The following LMBRD2 variants were observed in gnomAD, a reference collection of about 807,000 sequenced individuals.
The protein encoded by LMBRD2 is LMBR1 domain containing 2.
In LMBRD2, 55 loss-of-function variants were observed where a neutral mutation model predicts 94.4. That is an observed-to-expected ratio of 0.58 (90% confidence interval 0.47 to 0.73). LMBRD2 has a LOEUF of 0.73. Among genes scored for constraint, LMBRD2 ranks in the 30% least tolerant of loss-of-function variants. The probability of loss-of-function intolerance (pLI) is 0.00; values close to 1 mark genes in which losing one functional copy is unlikely to be tolerated. For missense variants in LMBRD2, 640 were observed against 831.9 expected (o/e 0.77, Z 2.84); for synonymous variants, 246 against 272.4 (o/e 0.90, Z 0.95).
intron 9 of LMBRD2, among the ~76,000 whole-genome samples, chr5:36,118,749 T>TA (rs1743818858): frequency 6.6e-6 from 1 of 151,822 alleles, no homozygotes; most frequent in South Asian, 2.1e-4. Flanking sequence ...CTCCGGGGTT[T>TA]AAGTGATTCT....
intron 6 of LMBRD2, among the ~76,000 whole-genome samples, chr5:36,129,252 GAGA>G (rs1195155074): frequency 2.0e-5 from 3 of 152,050 alleles, no homozygotes; most frequent in African/African-American, 7.2e-5. Flanking sequence ...ATTCAAGCAT[GAGA>G]AGATTATAGA....
At chr5:36,126,073 C>G (rs991320284) in intron 6 of LMBRD2, among the ~76,000 whole-genome samples, 1 of 152,112 alleles carries the variant, frequency 6.6e-6, no homozygotes, top group East Asian at 1.9e-4. Flanking sequence ...CCTAGAAGCC[C>G]TTAATCATGG....
intron 14 of LMBRD2, 108 bp downstream of exon 14, chr5:36,111,047 C>A: frequency 1.4e-6 from 1 of 696,010 alleles, no homozygotes; most frequent in Non-Finnish European, 2.4e-6. Flanking sequence ...TTCATAATTT[C>A]TTAGAATAGA....
At chr5:36,110,322 T>C (rs1743574622) in intron 14 of LMBRD2, among the ~76,000 whole-genome samples, 1 of 152,118 alleles carries the variant, frequency 6.6e-6, no homozygotes, top group Non-Finnish European at 1.5e-5. Context: ...CTTTTCTTTC[T>C]GTATGAGTCG....
chr5:36,128,379 A>T (rs1209061727), intron 6 of LMBRD2, among the ~76,000 whole-genome samples: 3 of 152,222 alleles, frequency 2.0e-5, no homozygotes, highest in East Asian at 3.8e-4. Flanking sequence ...ACGAACATCC[A>T]CAAGAATCAA....
At position 36,135,028 on chromosome 5, in the gene LMBRD2, C is replaced by A. The variant is rs186166567; in HGVS notation, c.747+1281G>T. On this transcript the variant is annotated intron_variant, in intron 6 of 17. Transcript: ENST00000296603. Reference sequence around the variant, plus strand: ...ACTTGTTCTCATACTAGAACACACCCACTCTCATTCATTTATTTACTGGCT... The same window carrying A: ...ACTTGTTCTCATACTAGAACACACCAACTCTCATTCATTTATTTACTGGCT... Among the ~76,000 whole-genome samples, 21 of 152,232 alleles carry A rather than the reference C, an allele frequency of 1.4e-4. No homozygotes were observed. The East Asian group carries it at 4.1e-3, about 29-fold the overall frequency.
In LMBRD2 at chr5:36,116,612, A is replaced by T; in HGVS notation, c.1303-19T>A. 1 of 1,607,924 alleles carries T rather than the reference A, an allele frequency of 6.2e-7. No individual in the cohort carries two copies. On this transcript the variant is annotated intron_variant, in intron 10 of 17. Transcript: ENST00000296603. The stretch of plus-strand genomic sequence containing the variant: ...AGGCAATCTGGAAAAAAACAAAAAC[A>T]AAGCAGTTTGTTTAAAACAAACAGA...
At chr5:36,150,173 A>G (rs1330047515) in intron 1 of LMBRD2, among the ~76,000 whole-genome samples, 2 of 152,244 alleles carry the variant, frequency 1.3e-5, no homozygotes, top group African/African-American at 4.8e-5. Context: ...GCAAACTATC[A>G]AACTGAATTT....
Position 36,104,126 on chromosome 5 carries a change from A to G in LMBRD2, c.2028-20T>C. On this transcript the variant is annotated intron_variant, in intron 17 of 17. Coordinates refer to ENST00000296603, the MANE Select transcript of LMBRD2 (RefSeq NM_001007527.2). ...TGATACCTAAAAAGGGAACATAAAGAAATGATCTGAGGCATCAAAAATAAT... is the reference window on the plus strand; with the variant it reads ...TGATACCTAAAAAGGGAACATAAAGGAATGATCTGAGGCATCAAAAATAAT... The G allele has an allele frequency of 6.3e-7, 1 of 1,587,814 alleles. No homozygotes were observed. Among genetic ancestry groups the G allele is most frequent in the Non-Finnish European group, 8.6e-7 (1 of 1,157,386 alleles).
At chr5:36,146,943 T>TGTGTGTGA (rs1744561820) in intron 1 of LMBRD2, among the ~76,000 whole-genome samples, 2 of 22,672 alleles carry the variant, frequency 8.8e-5, no homozygotes, top group South Asian at 7.8e-3. Flanking sequence ...TGTGTGTGAG[T>TGTGTGTGA]GTGTGTGTGT....
chr5:36,105,276 G>C, intron 16 of LMBRD2, 79 bp from the exon 17 acceptor site: 1 of 1,313,346 alleles, frequency 7.6e-7, no homozygotes. Flanking sequence ...GGTACAGAAA[G>C]AAAAATCAAA....
At chr5:36,132,065 T>A (rs918600725) in intron 6 of LMBRD2, among the ~76,000 whole-genome samples, 1 of 152,072 alleles carries the variant, frequency 6.6e-6, no homozygotes, top group Non-Finnish European at 1.5e-5. Flanking sequence ...GCCTTTAAAC[T>A]ACATAATAAA....
intron 7 of LMBRD2, among the ~76,000 whole-genome samples, chr5:36,123,882 T>C (rs1229580731): frequency 6.6e-6 from 1 of 151,854 alleles, no homozygotes. Flanking sequence ...TATTTTCTTA[T>C]AGGAGATATG....
In LMBRD2 at chr5:36,108,639, C is replaced by A; in HGVS notation, c.1792G>T (p.Glu598Ter). 1.4e-6 allele frequency: 2 copies of A among 1,449,908 alleles called. No individual in the cohort carries two copies. The highest frequency in any genetic ancestry group is 1.9e-6 in the Non-Finnish European group (2 of 1,060,746). 89.8% of individuals were successfully genotyped at this position (1,449,908 alleles called of 1,614,324 possible). The change falls in exon 16 of 18, where the codon GAA becomes TAA. Residue 598 changes from glutamate (E) to a stop codon, truncating the protein, a stop_gained and splice_region_variant. Transcript: ENST00000296603. LOFTEE classifies it high-confidence loss of function. The stretch of plus-strand genomic sequence containing the variant: ...TTGTGTCCATAACGTTCTTTCCATT[C>A]CTAGAAAAGAAGCACAAATAATCAT... ...RQEEGENRRR[E>*]WKERYGHNRE...
intron 3 of LMBRD2, 83 bp from the exon 4 acceptor site, chr5:36,141,285 A>C: frequency 1.4e-6 from 1 of 703,868 alleles, no homozygotes; most frequent in East Asian, 2.9e-5. Context: ...TGGCCAAGTT[A>C]ATTTACATTC....
At chr5:36,112,878 T>A (rs1743645480) in intron 13 of LMBRD2, among the ~76,000 whole-genome samples, 1 of 152,160 alleles carries the variant, frequency 6.6e-6, no homozygotes, top group African/African-American at 2.4e-5. Flanking sequence ...ATTAAGCACA[T>A]AATAAAAACA....
chr5:36,103,835 A>G lies in LMBRD2; in HGVS notation c.*211T>C, dbSNP rs1272877601. The stretch of plus-strand genomic sequence containing the variant: ...TATTTCTAAGGCAGATGCTTAGGAA[A>G]TGATATGTAATAAATCTTGTTGAAA... On this transcript the variant is annotated 3_prime_UTR_variant, in exon 18 of 18. Coordinates refer to ENST00000296603, the MANE Select transcript of LMBRD2 (RefSeq NM_001007527.2). 2.7e-6 allele frequency: 1 copy of G among 371,290 alleles called. No individual in the cohort carries two copies. Among genetic ancestry groups the G allele is most frequent in the African/African-American group, 2.1e-5 (1 of 48,048 alleles). The allele number at this position is 371,290 out of a possible 1,614,324, so 23.0% of individuals were successfully genotyped here.
chr5:36,110,014 A>G, intron 14 of LMBRD2, 23 bp from the exon 15 acceptor site: 1 of 1,587,912 alleles, frequency 6.3e-7, no homozygotes, highest in South Asian at 1.1e-5. Context: ...AAATGATCTC[A>G]AATATGGCAT....
At chr5:36,141,733 T>G (rs1176071489) in intron 3 of LMBRD2, among the ~76,000 whole-genome samples, 1 of 152,162 alleles carries the variant, frequency 6.6e-6, no homozygotes, top group Non-Finnish European at 1.5e-5. Context: ...GTTTAAATTT[T>G]TGAAGACATG....
Sources: allele counts gnomAD v4.1 joint callset (sites outside exome capture counted in the v4.1 genomes callset), GRCh38; gene constraint gnomAD v4.1.1; transcripts MANE v1.5; gene names NCBI Gene and HGNC (gene_info 2026-07-23, HGNC 2026-07-21).